Variants in NPAS3 observed in about 807,000 individuals in gnomAD.
The protein encoded by NPAS3 is neuronal PAS domain-containing protein 3.
A neutral mutation model predicts 73.1 loss-of-function variants in NPAS3; 14 were observed. The ratio of observed to expected loss-of-function variants is 0.19; its 90% CI spans 0.13 to 0.30. The LOEUF is 0.30. Ranked by LOEUF, NPAS3 falls within the 10% of genes least tolerant of loss-of-function variation. The pLI, the probability that NPAS3 is intolerant of heterozygous loss-of-function variation, is 1.00. For missense variants in NPAS3, 1,096 were observed against 1,250.0 expected (o/e 0.88, Z 1.86); for synonymous variants, 620 against 541.5 (o/e 1.14, Z -2.01).
At chr14:33,360,124 G>T in intron 3 of NPAS3, among the ~76,000 whole-genome samples, 1 of 152,162 alleles carries the variant, frequency 6.6e-6, no homozygotes, top group East Asian at 1.9e-4. Context: ...CGTCAGCTTC[G>T]CATCCCGAGT....
chr14:33,730,831 C>A (rs556682677), intron 6 of NPAS3, among the ~76,000 whole-genome samples: 16 of 152,342 alleles, frequency 1.1e-4, no homozygotes, highest in African/African-American at 3.1e-4. Flanking sequence ...AATGAACCAA[C>A]ACCTCTTTTG....
intron 2 of NPAS3, among the ~76,000 whole-genome samples, chr14:33,140,598 C>A (rs1353059066): frequency 1.3e-5 from 2 of 152,152 alleles, no homozygotes; most frequent in Admixed American, 6.5e-5. Context: ...TTCACCGTGT[C>A]ATTTCCCTTT....
At chr14:33,210,827 T>G (rs2047004276) in intron 2 of NPAS3, among the ~76,000 whole-genome samples, 1 of 152,164 alleles carries the variant, frequency 6.6e-6, no homozygotes, top group Non-Finnish European at 1.5e-5. Context: ...AAGCATCCAC[T>G]AATTAAATAT....
rs182723737 is a variant in NPAS3 at position 33,079,296 on chromosome 14, G to A, written c.140+23302G>A. 6.0e-5 allele frequency among the ~76,000 whole-genome samples: 9 copies of A among 148,874 alleles called. No individual in the cohort carries two copies. In the East Asian group the frequency reaches 8.0e-4, roughly 13 times the overall value. ...CCTCATGTATACATATATTTTCAAGGTTCACTTGATTTGTACTTTTTCTTT... is the reference window on the plus strand; with the variant it reads ...CCTCATGTATACATATATTTTCAAGATTCACTTGATTTGTACTTTTTCTTT... On this transcript the variant is annotated intron_variant, in intron 2 of 11. Coordinates refer to ENST00000356141, the Ensembl canonical transcript of NPAS3.
intron 1 of NPAS3, among the ~76,000 whole-genome samples, chr14:32,991,425 A>C (rs1463345210): frequency 6.6e-6 from 1 of 152,136 alleles, no homozygotes; most frequent in Non-Finnish European, 1.5e-5. Flanking sequence ...CATTGGCCAT[A>C]GTTTGCCCAA....
intron 2 of NPAS3, among the ~76,000 whole-genome samples, chr14:33,190,676 AC>A (rs1411431691): frequency 6.6e-6 from 1 of 152,178 alleles, no homozygotes; most frequent in Non-Finnish European, 1.5e-5. Flanking sequence ...TCCTAGTCAT[AC>A]CAGAAGACAC....
chr14:33,307,612 T>TGTGTGTGTGTGTGTGTGTG (rs9322923), intron 3 of NPAS3, among the ~76,000 whole-genome samples: 1 of 149,588 alleles, frequency 6.7e-6, no homozygotes, highest in African/African-American at 2.5e-5. Flanking sequence ...TGTGTGTGTG[T>TGTGTGTGTGTGTGTGTGTG]TCGTGTGCGT....
At chr14:33,731,936 G>T (rs1167262844) in intron 6 of NPAS3, among the ~76,000 whole-genome samples, 1 of 151,994 alleles carries the variant, frequency 6.6e-6, no homozygotes, top group East Asian at 1.9e-4. Context: ...GCAGAGCTGG[G>T]CGCAACTGGG....
chr14:33,063,107 T>A (rs1013079848), intron 2 of NPAS3, among the ~76,000 whole-genome samples: 1 of 152,182 alleles, frequency 6.6e-6, no homozygotes, highest in African/African-American at 2.4e-5. Flanking sequence ...CTAAGTTGCT[T>A]AACTTTAAGC....
At chr14:33,454,770 G>A (rs1311233721) in intron 4 of NPAS3, among the ~76,000 whole-genome samples, 2 of 152,144 alleles carry the variant, frequency 1.3e-5, no homozygotes, top group Non-Finnish European at 2.9e-5. Flanking sequence ...TTCTGCCTTA[G>A]GACCTACTGC....
chr14:33,286,395 A>C (rs1031023040), intron 3 of NPAS3, among the ~76,000 whole-genome samples: 1 of 152,208 alleles, frequency 6.6e-6, no homozygotes, highest in Non-Finnish European at 1.5e-5. Context: ...CTATCTGTGG[A>C]TACAGAGATA....
At chr14:33,529,037 T>C (rs2053926292) in intron 4 of NPAS3, among the ~76,000 whole-genome samples, 1 of 152,052 alleles carries the variant, frequency 6.6e-6, no homozygotes, top group Admixed American at 6.6e-5. Context: ...TCTCCCCAAA[T>C]CTTGACTTAG....
intron 4 of NPAS3, among the ~76,000 whole-genome samples, chr14:33,369,982 T>A (rs1276018099): frequency 1.3e-5 from 2 of 152,262 alleles, no homozygotes; most frequent in African/African-American, 4.8e-5. Flanking sequence ...AATTCTGTCT[T>A]CCCTTTCCTC....
intron 1 of NPAS3, among the ~76,000 whole-genome samples, chr14:32,966,284 T>C (rs1241690925): frequency 2.0e-5 from 3 of 152,166 alleles, no homozygotes; most frequent in Admixed American, 1.3e-4. Flanking sequence ...GGCATTATAC[T>C]ACCTAACTTT....
chr14:33,005,959 C>G (rs2038987944), intron 1 of NPAS3, among the ~76,000 whole-genome samples: 3 of 152,168 alleles, frequency 2.0e-5, no homozygotes, highest in Admixed American at 1.3e-4. Flanking sequence ...AACAGCCAAA[C>G]TTGGAAGCAT....
At chr14:33,378,756 C>A (rs78449690) in intron 4 of NPAS3, among the ~76,000 whole-genome samples, 8 of 152,098 alleles carry the variant, frequency 5.3e-5, no homozygotes, top group African/African-American at 1.9e-4. Flanking sequence ...AGGAGAAAAA[C>A]CCAGTGATTT....
chr14:33,079,385 C>T (rs146612971), intron 2 of NPAS3, among the ~76,000 whole-genome samples: 1 of 143,358 alleles, frequency 7.0e-6, no homozygotes. Flanking sequence ...GTGGCATGAT[C>T]TCGGCTCACT....
At chr14:33,783,468 G>A (rs1188488935) in intron 9 of NPAS3, among the ~76,000 whole-genome samples, 1 of 152,078 alleles carries the variant, frequency 6.6e-6, no homozygotes, top group Non-Finnish European at 1.5e-5. Context: ...ACTTTCTTCA[G>A]AAGCCAAGTC....
intron 1 of NPAS3, among the ~76,000 whole-genome samples, chr14:32,997,510 TG>T (rs2038627648): frequency 6.6e-6 from 1 of 152,064 alleles, no homozygotes; most frequent in African/African-American, 2.4e-5. Flanking sequence ...GATTGAATAA[TG>T]GGGGTGGGTC....
Sources: gnomAD v4.1 joint callset for allele counts (sites outside exome capture counted in the v4.1 genomes callset) on GRCh38, gnomAD v4.1.1 for gene constraint, MANE v1.5 for transcripts, NCBI Gene and HGNC (gene_info 2026-07-23, HGNC 2026-07-21) for gene names.